The following DPH6 variants were observed in gnomAD, a reference collection of about 807,000 sequenced individuals.
The protein encoded by DPH6 is diphthamine biosynthesis 6, also known as diphthine--ammonia ligase.
Under a neutral mutation model 38.2 loss-of-function variants are expected in DPH6, and 33 were observed. That is an observed-to-expected ratio of 0.86 (90% CI 0.65 to 1.15). The LOEUF (loss-of-function observed/expected upper bound fraction) is 1.15. Ranked by LOEUF, DPH6 falls within the 50% of genes most tolerant of loss-of-function variation. DPH6 has a pLI of 0.00. For missense variants in DPH6, 325 were observed against 320.0 expected (o/e 1.02, Z -0.12); for synonymous variants, 108 against 103.0 (o/e 1.05, Z -0.30).
At chr15:35,146,412 TCTC>T in the DPH6 span, among the ~76,000 whole-genome samples, 2 of 152,174 alleles carry the variant, frequency 1.3e-5, no homozygotes, top group Admixed American at 1.3e-4. Flanking sequence ...CATTTTCTCA[TCTC>T]CTTATTTCCT....
the DPH6 span, among the ~76,000 whole-genome samples, chr15:35,169,302 G>A: frequency 5.3e-5 from 8 of 152,052 alleles, no homozygotes; most frequent in Admixed American, 2.0e-4. Context: ...GAAGACATAT[G>A]TATCATTTCC....
At chr15:35,260,147 C>T (rs916420388) in intron 3 of DPH6, among the ~76,000 whole-genome samples, 4 of 152,196 alleles carry the variant, frequency 2.6e-5, no homozygotes, top group South Asian at 4.2e-4. Flanking sequence ...CTTGCTCTGT[C>T]GCCCAGGCTG....
At chr15:35,461,763 G>A (rs2054069720) in intron 3 of DPH6, among the ~76,000 whole-genome samples, 1 of 151,924 alleles carries the variant, frequency 6.6e-6, no homozygotes, top group African/African-American at 2.4e-5. Context: ...TTTAAACCAA[G>A]AATATGTCAA....
At chr15:35,318,408 G>GA (rs1200929271) in intron 3 of DPH6, among the ~76,000 whole-genome samples, 2 of 152,058 alleles carry the variant, frequency 1.3e-5, no homozygotes, top group African/African-American at 4.8e-5. Flanking sequence ...TACTGATAAA[G>GA]AAAAAATTAG....
At chr15:35,521,532 A>G in intron 3 of DPH6, 3 of 1,222,604 alleles carry the variant, frequency 2.5e-6, no homozygotes, top group Non-Finnish European at 3.1e-6. Flanking sequence ...GTTGTGTTCA[A>G]TTTTGAAGAA....
At chr15:35,168,943 C>T in the DPH6 span, among the ~76,000 whole-genome samples, 1 of 151,956 alleles carries the variant, frequency 6.6e-6, no homozygotes, top group African/African-American at 2.4e-5. Context: ...AGTTGAATTT[C>T]CTTGTAGTAT....
the DPH6 span, among the ~76,000 whole-genome samples, chr15:35,185,985 C>T: frequency 5.1e-4 from 77 of 152,068 alleles, no homozygotes; most frequent in African/African-American, 1.8e-3. Flanking sequence ...CCGCTTGCCT[C>T]GGCCTCCCAA....
the DPH6 span, among the ~76,000 whole-genome samples, chr15:35,193,201 C>T: frequency 6.6e-6 from 1 of 151,698 alleles, no homozygotes; most frequent in Non-Finnish European, 1.5e-5. Flanking sequence ...GAAATAACAA[C>T]ATCAAAATTA....
chr15:35,328,981 T>C (rs1202956092), downstream of DPH6, among the ~76,000 whole-genome samples: 1 of 152,152 alleles, frequency 6.6e-6, no homozygotes, highest in Admixed American at 6.5e-5. Flanking sequence ...TCAGATGTCA[T>C]AAGACTTATT....
chr15:35,348,646 A>G, intron 3 of DPH6, among the ~76,000 whole-genome samples: 1 of 152,078 alleles, frequency 6.6e-6, no homozygotes, highest in South Asian at 2.1e-4. Context: ...TGGTCTTTTG[A>G]GATACCACAT....
chr15:35,204,310 G>C, the DPH6 span, among the ~76,000 whole-genome samples: 1 of 151,680 alleles, frequency 6.6e-6, no homozygotes, highest in African/African-American at 2.4e-5. Flanking sequence ...AAATAACTCA[G>C]GGCTAAATTT....
intron 3 of DPH6, among the ~76,000 whole-genome samples, chr15:35,252,851 T>C (rs373865010): frequency 7.2e-5 from 11 of 152,366 alleles, no homozygotes; most frequent in African/African-American, 2.4e-4. Flanking sequence ...TAAACTGTAA[T>C]ATAAAGGTTT....
chr15:35,297,869 A>C (rs2052025527), intron 3 of DPH6, among the ~76,000 whole-genome samples: 1 of 151,960 alleles, frequency 6.6e-6, no homozygotes, highest in Non-Finnish European at 1.5e-5. Flanking sequence ...AATTTATAAG[A>C]CTACCATTTA....
intron 3 of DPH6, among the ~76,000 whole-genome samples, chr15:35,310,150 A>G (rs2052128408): frequency 2.0e-5 from 3 of 152,190 alleles, no homozygotes; most frequent in Admixed American, 1.3e-4. Context: ...TGTAGCCCAG[A>G]TTGAGAACAC....
intron 3 of DPH6, among the ~76,000 whole-genome samples, chr15:35,241,181 G>T (rs1468475974): frequency 2.1e-5 from 3 of 143,480 alleles, no homozygotes; most frequent in Admixed American, 1.5e-4. Flanking sequence ...AGAGCCCCTG[G>T]AACTCTGGCC....
In DPH6 at chr15:35,440,604, C is replaced by T. The variant is rs549404943; in HGVS notation, c.505+10081G>A. Among the ~76,000 whole-genome samples, 84 of 152,266 alleles carry T rather than the reference C, an allele frequency of 5.5e-4. 1 individual carries two copies. Among genetic ancestry groups the T allele is most frequent in the African/African-American group, 1.9e-3 (77 of 41,556 alleles). On this transcript the variant is annotated intron_variant, in intron 5 of 8. Coordinates refer to ENST00000256538, the MANE Select transcript of DPH6 (RefSeq NM_080650.4). ...CTTTATCCTTATCCCTATCCTTATCCTAATGGCAGTTATATGTCCTTCTTT... is the reference window on the plus strand; with the variant it reads ...CTTTATCCTTATCCCTATCCTTATCTTAATGGCAGTTATATGTCCTTCTTT...
At chr15:35,352,798 TAATGGGATGGCTGGGTCA>T (rs2052526767) in intron 3 of DPH6, among the ~76,000 whole-genome samples, 1 of 152,238 alleles carries the variant, frequency 6.6e-6, no homozygotes, top group Non-Finnish European at 1.5e-5. Flanking sequence ...ATATACCCAG[TAATGGGATGGCTGGGTCA>T]AATGATATTT....
At chr15:35,379,403 T>C (rs1439906220) in intron 7 of DPH6, among the ~76,000 whole-genome samples, 1 of 152,190 alleles carries the variant, frequency 6.6e-6, no homozygotes, top group Non-Finnish European at 1.5e-5. Context: ...TTACATCAAA[T>C]ATAACAGAAG....
chr15:35,386,838 T>C (rs2052967619), intron 6 of DPH6, among the ~76,000 whole-genome samples: 1 of 152,194 alleles, frequency 6.6e-6, no homozygotes, highest in South Asian at 2.1e-4. Context: ...AGAAGCTCTT[T>C]AGTTTAATTA....
Sources: gnomAD v4.1 joint callset for allele counts (sites outside exome capture counted in the v4.1 genomes callset) on GRCh38, gnomAD v4.1.1 for gene constraint, MANE v1.5 for transcripts, NCBI Gene and HGNC (gene_info 2026-07-23, HGNC 2026-07-21) for gene names.